Variants in STK32C observed in about 807,000 individuals in gnomAD.
The protein encoded by STK32C is serine/threonine-protein kinase 32C.
A neutral mutation model predicts 56.5 loss-of-function variants in STK32C; 31 were observed. The observed-to-expected ratio is 0.55, with a 90% confidence interval of 0.41 to 0.74. The LOEUF (loss-of-function observed/expected upper bound fraction) is 0.74, where lower values mean the gene tolerates loss of function less well. Ranked by LOEUF, STK32C falls within the 30% of genes least tolerant of loss-of-function variation. STK32C has a pLI of 0.00. For missense variants in STK32C, 544 were observed against 676.9 expected (o/e 0.80, Z 2.18); for synonymous variants, 309 against 289.4 (o/e 1.07, Z -0.69).
intron 1 of STK32C, among the ~76,000 whole-genome samples, chr10:132,289,643 G>A (rs965700550): frequency 6.6e-6 from 1 of 152,222 alleles, no homozygotes; most frequent in Non-Finnish European, 1.5e-5. Context: ...AAGACTCAGT[G>A]TCTGGTGAGG....
intron 10 of STK32C, among the ~76,000 whole-genome samples, chr10:132,220,159 C>T (rs796186501): frequency 6.6e-6 from 1 of 152,244 alleles, no homozygotes; most frequent in African/African-American, 2.4e-5. Flanking sequence ...TGGGGCCATA[C>T]TGGATCAGGG....
chr10:132,209,101 C>T lies in STK32C; in HGVS notation c.1252G>A (p.Glu418Lys). 6.2e-7 allele frequency: 1 copy of T among 1,611,864 alleles called. No homozygotes were observed. Among genetic ancestry groups the T allele is most frequent in the Non-Finnish European group, 8.5e-7 (1 of 1,178,740 alleles). ...AGGCAGTCTTGAAGATAGTCATTCT[C>T]CTGTGGATGGAAAGGCACACGTGAG... ...RDNSRDSSQSENDYLQDCLDA... is the reference protein window; with the variant it reads ...RDNSRDSSQSKNDYLQDCLDA... The change falls in exon 11 of 12, where the codon GAG becomes AAG. Residue 418 changes from glutamate (E) to lysine (K), a missense_variant and splice_region_variant. Physicochemically the swap from Glu to Lys is moderately conservative, Grantham distance 56. This residue lies in a region of STK32C where 277 missense variants were observed against 309.3 expected (regional missense o/e 0.90). Coordinates refer to ENST00000298630, the MANE Select transcript of STK32C (RefSeq NM_173575.4).
chr10:132,218,628 A>G (rs958826356), intron 10 of STK32C, among the ~76,000 whole-genome samples: 2 of 152,234 alleles, frequency 1.3e-5, no homozygotes, highest in African/African-American at 4.8e-5. Flanking sequence ...CCTGCTGTAG[A>G]AAAGGGTAGG....
chr10:132,222,079 G>C (rs1171043724), intron 10 of STK32C, among the ~76,000 whole-genome samples: 2 of 141,042 alleles, frequency 1.4e-5, no homozygotes, highest in Non-Finnish European at 3.1e-5. Context: ...GCACCTGGGC[G>C]AGTGTGAGGG....
chr10:132,308,495 G>A (rs1184521485), upstream of STK32C, among the ~76,000 whole-genome samples: 1 of 152,068 alleles, frequency 6.6e-6, no homozygotes, highest in Admixed American at 6.5e-5. Flanking sequence ...CGGGATGCGG[G>A]CGGCGGGAAT....
chr10:132,321,772 C>T (rs1432060371), downstream of STK32C, among the ~76,000 whole-genome samples: 1 of 152,198 alleles, frequency 6.6e-6, no homozygotes, highest in African/African-American at 2.4e-5. Flanking sequence ...GTTGGTCATT[C>T]ATTTTGAGGC....
At chr10:132,247,163 C>G (rs940673090) in intron 1 of STK32C, among the ~76,000 whole-genome samples, 1 of 152,210 alleles carries the variant, frequency 6.6e-6, no homozygotes, top group African/African-American at 2.4e-5. Flanking sequence ...CTGGGAGGCA[C>G]GGCCTAGAGT....
chr10:132,311,715 G>A (rs1208950047), upstream of STK32C, among the ~76,000 whole-genome samples: 1 of 152,144 alleles, frequency 6.6e-6, no homozygotes, highest in East Asian at 1.9e-4. The surrounding 1 kb of genome is among the most constrained non-coding windows in gnomAD (Gnocchi z 4.4). Context: ...CCATCATCAC[G>A]TTGCCTTTTC....
At chr10:132,304,385 A>AT in intron 1 of STK32C, among the ~76,000 whole-genome samples, 1 of 152,238 alleles carries the variant, frequency 6.6e-6, no homozygotes, top group South Asian at 2.1e-4. Flanking sequence ...GAGCATCTGC[A>AT]TTTTTTAAGA....
At chr10:132,263,014 C>T (rs2064356262) in intron 1 of STK32C, among the ~76,000 whole-genome samples, 1 of 152,232 alleles carries the variant, frequency 6.6e-6, no homozygotes, top group Admixed American at 6.5e-5. Flanking sequence ...TAAATTAGTT[C>T]AGCCACTGTG....
intron 1 of STK32C, chr10:132,330,218 A>T (rs2066621127): frequency 5.6e-6 from 3 of 537,768 alleles, no homozygotes; most frequent in Admixed American, 3.1e-5. Flanking sequence ...TGACTACAAA[A>T]ATTAATGTAG....
intron 1 of STK32C, among the ~76,000 whole-genome samples, chr10:132,303,202 G>A (rs972499037): frequency 6.6e-6 from 1 of 152,210 alleles, no homozygotes; most frequent in African/African-American, 2.4e-5. Flanking sequence ...CATCCTAACT[G>A]CACTCATCCT....
intron 1 of STK32C, among the ~76,000 whole-genome samples, chr10:132,253,283 C>T (rs1319168029): frequency 6.6e-6 from 1 of 152,178 alleles, no homozygotes; most frequent in Non-Finnish European, 1.5e-5. Flanking sequence ...AAGGTCCTGC[C>T]GGGCCTGGGA....
chr10:132,303,092 C>T (rs2065956455), intron 1 of STK32C, among the ~76,000 whole-genome samples: 1 of 152,236 alleles, frequency 6.6e-6, no homozygotes, highest in Non-Finnish European at 1.5e-5. Context: ...GGAAACGGTC[C>T]CACTCCAGTC....
rs186386582 is a variant in STK32C at position 132,257,865 on chromosome 10, C to T, written c.263-11910G>A. ...CAGGTGGGACTCAGGGCTCTCGAGC[C>T]TCCACTGTGCAGCCTGCCTGAGGCC... On this transcript the variant is annotated intron_variant, in intron 1 of 11. Coordinates refer to ENST00000298630, the MANE Select transcript of STK32C (RefSeq NM_173575.4). Among the ~76,000 whole-genome samples the T allele has an allele frequency of 4.0e-3, 607 of 152,262 alleles. 7 individuals are homozygous for T. Among genetic ancestry groups the T allele is most frequent in the African/African-American group, 0.014 (577 of 41,542 alleles).
chr10:132,331,253 T>C (rs1431218691), intron 1 of STK32C, among the ~76,000 whole-genome samples: 4 of 147,568 alleles, frequency 2.7e-5, no homozygotes, highest in Admixed American at 2.7e-4. Context: ...CCAGCTAAAC[T>C]GTCCGGGTTT....
intron 1 of STK32C, among the ~76,000 whole-genome samples, chr10:132,274,549 C>T (rs999896346): frequency 2.0e-5 from 3 of 152,200 alleles, no homozygotes; most frequent in African/African-American, 7.2e-5. Flanking sequence ...CTGCACCGCC[C>T]GCTGACATTC....
At chr10:132,314,136 TC>T (rs1178106617) in intron 1 of STK32C, among the ~76,000 whole-genome samples, 1 of 152,204 alleles carries the variant, frequency 6.6e-6, no homozygotes, top group African/African-American at 2.4e-5. Flanking sequence ...TCTCTGCCCC[TC>T]TGCCCTTCTG....
At chr10:132,310,036 C>T (rs1381646294), upstream of STK32C, among the ~76,000 whole-genome samples, 19 of 152,296 alleles carry the variant, frequency 1.2e-4, no homozygotes, top group Non-Finnish European at 2.5e-4. This position sits in a 1 kb window ranked among gnomAD's most constrained non-coding sequence, Gnocchi z 4.6. Context: ...GAGCCCAGGA[C>T]GCCTCCCCGG....
Sources: allele counts gnomAD v4.1 joint callset (sites outside exome capture counted in the v4.1 genomes callset), GRCh38; gene constraint gnomAD v4.1.1; regional missense constraint gnomAD v4.1.1; non-coding constraint Gnocchi (gnomAD v3.1); transcripts MANE v1.5; gene names NCBI Gene and HGNC (gene_info 2026-07-23, HGNC 2026-07-21).